The following PRKG1 variants were observed in gnomAD, a reference collection of about 807,000 sequenced individuals.
PRKG1 encodes the protein protein kinase cGMP-dependent 1, also known as cGMP-dependent protein kinase 1.
In PRKG1, 35 loss-of-function variants were observed where a neutral mutation model predicts 88.1. The ratio of observed to expected loss-of-function variants is 0.40; its 90% CI spans 0.30 to 0.53. PRKG1 has a LOEUF of 0.53. Ranked by LOEUF, PRKG1 falls within the 20% of genes least tolerant of loss-of-function variation. PRKG1 has a pLI of 0.59. For missense variants in PRKG1, 540 were observed against 839.8 expected (o/e 0.64, Z 4.41); for synonymous variants, 303 against 292.5 (o/e 1.04, Z -0.37).
At chr10:51,839,804 A>C (rs940447398) in intron 4 of PRKG1, among the ~76,000 whole-genome samples, 1 of 152,206 alleles carries the variant, frequency 6.6e-6, no homozygotes. Flanking sequence ...CAGTCCCATG[A>C]GGGCTGCCCC....
At chr10:52,153,490 C>G (rs1837999358) in intron 8 of PRKG1, among the ~76,000 whole-genome samples, 1 of 152,196 alleles carries the variant, frequency 6.6e-6, no homozygotes, top group Non-Finnish European at 1.5e-5. Context: ...TTTGAAAGAA[C>G]ACTGTGGATT....
chr10:51,726,497 C>T (rs1842135027), intron 3 of PRKG1, among the ~76,000 whole-genome samples: 1 of 152,192 alleles, frequency 6.6e-6, no homozygotes, highest in Non-Finnish European at 1.5e-5. Context: ...GCTGCATATG[C>T]AGTAGTGACC....
rs570335379 is a variant in PRKG1, at chr10:51,613,153, C to A, written c.592+145317C>A. On this transcript the variant is annotated intron_variant, in intron 3 of 17. Coordinates refer to ENST00000373980, the MANE Select transcript of PRKG1 (RefSeq NM_006258.4). ...CACTGTGAATCCATCCAGTCCTGGG[C>A]TCTTCTTTGTTTGAAAACTTTTTAT... Among the ~76,000 whole-genome samples, 4 of 152,022 alleles carry A rather than the reference C, an allele frequency of 2.6e-5. No homozygotes were observed. In the South Asian group the frequency reaches 8.3e-4, roughly 32 times the overall value.
At chr10:51,592,027 A>G (rs1030727012) in intron 3 of PRKG1, among the ~76,000 whole-genome samples, 6 of 152,230 alleles carry the variant, frequency 3.9e-5, no homozygotes, top group African/African-American at 1.4e-4. Flanking sequence ...TCTAATTAGT[A>G]TAGTGTGAGC....
At position 52,293,951 on chromosome 10, in the gene PRKG1, C is replaced by A; in HGVS notation, c.*51C>A. 3 of 1,462,174 alleles carry A rather than the reference C, an allele frequency of 2.1e-6. No individual in the cohort carries two copies. The highest frequency in any genetic ancestry group is 2.9e-6 in the Non-Finnish European group (3 of 1,048,066). 90.6% of individuals were successfully genotyped at this position (1,462,174 alleles called of 1,614,324 possible). Reference sequence around the variant, plus strand: ...TTGCTGAAGACAGCTTTTTCTGAGACACAGCTGCCAGCAAACCTGAGGGAA... The same window carrying A: ...TTGCTGAAGACAGCTTTTTCTGAGAAACAGCTGCCAGCAAACCTGAGGGAA... On this transcript the variant is annotated 3_prime_UTR_variant, in exon 18 of 18. Coordinates refer to ENST00000373980, the MANE Select transcript of PRKG1 (RefSeq NM_006258.4).
intron 4 of PRKG1, among the ~76,000 whole-genome samples, chr10:51,821,568 C>G (rs145303996): frequency 6.6e-6 from 1 of 151,984 alleles, no homozygotes; most frequent in East Asian, 1.9e-4. Context: ...ACCACATAGT[C>G]TGCAAATATT....
chr10:51,908,725 C>CTATCTATATATATATATATATA (rs1299574623), intron 5 of PRKG1: 2 of 60,636 alleles, frequency 3.3e-5, no homozygotes, highest in East Asian at 5.0e-4. Flanking sequence ...GTCTATCTAT[C>CTATCTATATATATATATATATA]TATATGTAAT....
chr10:51,913,802 AT>A (rs2132961749), intron 5 of PRKG1, among the ~76,000 whole-genome samples: 1 of 152,292 alleles, frequency 6.6e-6, no homozygotes, highest in Admixed American at 6.5e-5. Context: ...TAGGACTCAG[AT>A]TTATTTTGAT....
intron 9 of PRKG1, among the ~76,000 whole-genome samples, chr10:52,179,685 G>T (rs1458327537): frequency 6.6e-6 from 1 of 152,052 alleles, no homozygotes; most frequent in East Asian, 1.9e-4. Context: ...CTTTGTTGTT[G>T]TTGCTGCTGT....
At chr10:51,424,470 T>C (rs1010422752) in intron 2 of PRKG1, among the ~76,000 whole-genome samples, 2 of 152,140 alleles carry the variant, frequency 1.3e-5, no homozygotes, top group African/African-American at 4.8e-5. Context: ...TCTTAATAGG[T>C]ACCTGTGTTA....
At chr10:51,037,297 G>A (rs1416155292) in intron 1 of PRKG1, among the ~76,000 whole-genome samples, 1 of 150,734 alleles carries the variant, frequency 6.6e-6, no homozygotes, top group African/African-American at 2.4e-5. Context: ...CCCAATCTAT[G>A]CAAAAAATAA....
At chr10:51,071,143 G>T (rs1843821689), upstream of PRKG1, among the ~76,000 whole-genome samples, 1 of 152,172 alleles carries the variant, frequency 6.6e-6, no homozygotes, top group Non-Finnish European at 1.5e-5. Context: ...TGTCTGTTAA[G>T]ACGTAATTGC....
At chr10:51,059,966 T>C (rs1353428635) in intron 1 of PRKG1, among the ~76,000 whole-genome samples, 3 of 152,192 alleles carry the variant, frequency 2.0e-5, no homozygotes, top group Non-Finnish European at 2.9e-5. Flanking sequence ...CATTATGAAT[T>C]TTTACCTTTG....
chr10:51,059,642 T>C (rs1843672509), intron 1 of PRKG1, among the ~76,000 whole-genome samples: 1 of 152,226 alleles, frequency 6.6e-6, no homozygotes, highest in Admixed American at 6.5e-5. Context: ...ATTATTGAGT[T>C]AATTTTTGTT....
At chr10:51,502,964 T>G (rs1841075440) in intron 3 of PRKG1, among the ~76,000 whole-genome samples, 1 of 152,170 alleles carries the variant, frequency 6.6e-6, no homozygotes, top group African/African-American at 2.4e-5. Flanking sequence ...ACTAGAAATT[T>G]TCTTCTGAGA....
chr10:51,709,934 G>C (rs2132430264), intron 3 of PRKG1, among the ~76,000 whole-genome samples: 1 of 128,776 alleles, frequency 7.8e-6, no homozygotes, highest in African/African-American at 2.8e-5. Context: ...GTTTGACAAT[G>C]CTTTAGGATA....
At chr10:51,426,047 G>A (rs1026090672) in intron 2 of PRKG1, among the ~76,000 whole-genome samples, 1 of 152,226 alleles carries the variant, frequency 6.6e-6, no homozygotes, top group South Asian at 2.1e-4. Flanking sequence ...AGGCCGAGGC[G>A]GGCGGATCAC....
rs11000169 is a variant in PRKG1 at position 51,929,187 on chromosome 10, C to T, written c.762+21617C>T. On this transcript the variant is annotated intron_variant, in intron 5 of 17. Coordinates refer to ENST00000373980, the MANE Select transcript of PRKG1 (RefSeq NM_006258.4). The stretch of plus-strand genomic sequence containing the variant: ...AATTGCTGAGGAGTTATCAATGGAT[C>T]AAGAAGGAGTTTTATCAGTAATGTT... 2.6e-5 allele frequency among the ~76,000 whole-genome samples: 4 copies of T among 152,146 alleles called. No homozygotes were observed. The East Asian group carries it at 7.8e-4, about 30-fold the overall frequency.
chr10:51,863,800 A>G (rs767499633), intron 4 of PRKG1, among the ~76,000 whole-genome samples: 5 of 152,334 alleles, frequency 3.3e-5, no homozygotes, highest in Admixed American at 2.0e-4. Flanking sequence ...ATGTCCTGCT[A>G]TAGGAGCACA....
Sources: gnomAD v4.1 joint callset for allele counts (sites outside exome capture counted in the v4.1 genomes callset) on GRCh38, gnomAD v4.1.1 for gene constraint, MANE v1.5 for transcripts, NCBI Gene and HGNC (gene_info 2026-07-23, HGNC 2026-07-21) for gene names.